SCEL: variants seen among roughly 807,000 people sequenced by gnomAD.
SCEL encodes sciellin.
A neutral mutation model predicts 117.6 loss-of-function variants in SCEL; 113 were observed. That is an observed-to-expected ratio of 0.96 (90% CI 0.83 to 1.12). The LOEUF is 1.12. Ranked by LOEUF, SCEL falls within the 50% of genes most tolerant of loss-of-function variation. SCEL has a pLI of 0.00. For missense variants in SCEL, 785 were observed against 810.8 expected (o/e 0.97, Z 0.39); for synonymous variants, 270 against 256.2 (o/e 1.05, Z -0.51).
At chr13:77,598,626 G>GT (rs1216868978) in intron 13 of SCEL, among the ~76,000 whole-genome samples, 1 of 152,218 alleles carries the variant, frequency 6.6e-6, no homozygotes, top group Non-Finnish European at 1.5e-5. Flanking sequence ...ACTGAGTCTA[G>GT]TGTTGCAGGA....
Position 77,618,058 on chromosome 13 carries a change from T to C in SCEL, c.1626T>C (p.Asn542=), listed in dbSNP as rs2089187884. The C allele has an allele frequency of 9.3e-6, 15 of 1,610,924 alleles. No homozygotes were observed. The highest frequency in any genetic ancestry group is 1.3e-5 in the African/African-American group (1 of 74,954). Residue 542 remains asparagine, a splice_region_variant and synonymous_variant, in exon 27 of 33, where the codon AAT becomes AAC. Transcript: ENST00000349847. ...AACCTTCAGCTCTTAGAAACACTAA[T>C]CGGTAAATGACCTTGACTATCTTGA... The part of the protein sequence containing the change: ...KVKPSALRNT[N]RDQNLENLIE...
intron 24 of SCEL, among the ~76,000 whole-genome samples, chr13:77,614,727 C>G (rs570038955): frequency 6.6e-6 from 1 of 152,092 alleles, no homozygotes; most frequent in South Asian, 2.1e-4. Flanking sequence ...ATTTATTTTG[C>G]AGAAGAGGAA....
At chr13:77,576,061 C>G (rs1428210118) in intron 9 of SCEL, among the ~76,000 whole-genome samples, 1 of 152,166 alleles carries the variant, frequency 6.6e-6, no homozygotes, top group African/African-American at 2.4e-5. Flanking sequence ...AATTTGATAG[C>G]CTAATCTTAC....
chr13:77,577,255 G>T (rs1200295287), intron 9 of SCEL, among the ~76,000 whole-genome samples: 1 of 152,158 alleles, frequency 6.6e-6, no homozygotes, highest in African/African-American at 2.4e-5. Flanking sequence ...CTGACACTGG[G>T]TAATTCATAA....
rs534367145 is a variant in SCEL at position 77,555,948 on chromosome 13, A to G, written c.43+30A>G. 1.4e-5 allele frequency: 23 copies of G among 1,599,898 alleles called. No individual in the cohort carries two copies. The South Asian group carries it at 2.1e-4, about 15-fold the overall frequency. ...TGTACATGATGTTTCTCTCACTCAG[A>G]AAACTTTAAAATTTTGGAAAAACAA... On this transcript the variant is annotated intron_variant, in intron 2 of 32. Transcript: ENST00000349847.
chr13:77,588,957 A>T (rs1366608187), intron 9 of SCEL, among the ~76,000 whole-genome samples, 187 bp from the exon 10 acceptor site: 1 of 152,214 alleles, frequency 6.6e-6, no homozygotes, highest in Non-Finnish European at 1.5e-5. Flanking sequence ...AAAAATACAC[A>T]TATTTTCAAT....
Position 77,604,415 on chromosome 13 carries a change from G to C in SCEL, c.1157G>C (p.Arg386Thr), listed in dbSNP as rs2274016. The change falls in exon 19 of 33, where the codon AGG becomes ACG. Residue 386 changes from arginine to threonine, a missense_variant and splice_region_variant. Physicochemically the swap from Arg to Thr is moderately conservative, Grantham distance 71 (BLOSUM62 -1). Coordinates refer to ENST00000349847, the MANE Select transcript of SCEL (RefSeq NM_144777.3). ...CCTGAAACAAATAAAAATATTACGA[G>C]GTAAGACATTTAAAGCTCCCCCCTC... ...VDPETNKNIT[R>T]GQSLDNLIKV... is the part of the protein sequence containing the mutation. The C allele has an allele frequency of 6.4e-7, 1 of 1,573,578 alleles. No individual in the cohort carries two copies. The highest frequency in any genetic ancestry group is 8.6e-7 in the Non-Finnish European group (1 of 1,168,264).
chr13:77,556,963 C>T (rs2084696413), intron 3 of SCEL, among the ~76,000 whole-genome samples: 1 of 152,154 alleles, frequency 6.6e-6, no homozygotes, highest in African/African-American at 2.4e-5. Flanking sequence ...CTGGTTATTA[C>T]CTAGGATAGA....
intron 28 of SCEL, among the ~76,000 whole-genome samples, chr13:77,633,702 A>G (rs1158472176): frequency 2.0e-5 from 3 of 152,208 alleles, no homozygotes; most frequent in African/African-American, 4.8e-5. Context: ...AGTCAACTGC[A>G]GAATAAATGA....
rs748214214 is a variant in SCEL, at chr13:77,617,564, A to C, written c.1452-35A>C. On this transcript the variant is annotated intron_variant, in intron 24 of 32. Coordinates refer to ENST00000349847, the MANE Select transcript of SCEL (RefSeq NM_144777.3). Reference sequence around the variant, plus strand: ...TTACCTTAAACCTGTGATTATCTCTAACCCAAGTTGCTTTAATATTTTTTC... The same window carrying C: ...TTACCTTAAACCTGTGATTATCTCTCACCCAAGTTGCTTTAATATTTTTTC... 1.1e-5 allele frequency: 14 copies of C among 1,297,142 alleles called. No individual in the cohort carries two copies. The South Asian group carries it at 1.6e-4, about 15-fold the overall frequency. 80.4% of individuals were successfully genotyped at this position (1,297,142 alleles called of 1,614,324 possible).
chr13:77,544,612 G>A (rs1053477872), intron 1 of SCEL, among the ~76,000 whole-genome samples: 1 of 152,282 alleles, frequency 6.6e-6, no homozygotes, highest in Middle Eastern at 3.4e-3. Flanking sequence ...AGAGGAGCTG[G>A]GGCTCAGATT....
chr13:77,538,148 G>A (rs1001184741), intron 1 of SCEL, among the ~76,000 whole-genome samples: 13 of 137,572 alleles, frequency 9.4e-5, no homozygotes, highest in Non-Finnish European at 1.8e-4. Context: ...ATGGAGTCTC[G>A]CTCTTTTCCC....
In SCEL at chr13:77,644,442, C is replaced by A; in HGVS notation, c.*168C>A. ...GTAATCTAATTGTCTTCAATAAGGTCACACACATAAAAAGAGCCATCTGGT... is the reference window on the plus strand; with the variant it reads ...GTAATCTAATTGTCTTCAATAAGGTAACACACATAAAAAGAGCCATCTGGT... On this transcript the variant is annotated 3_prime_UTR_variant, in exon 33 of 33. Transcript: ENST00000349847. The A allele has an allele frequency of 1.5e-6, 1 of 654,522 alleles. No homozygotes were observed. Among genetic ancestry groups the A allele is most frequent in the South Asian group, 2.0e-5 (1 of 49,486 alleles). 40.5% of individuals were successfully genotyped at this position (654,522 alleles called of 1,614,324 possible).
At chr13:77,602,759 T>TA in intron 17 of SCEL, 46 bp downstream of exon 17, 1 of 1,533,150 alleles carries the variant, frequency 6.5e-7, no homozygotes, top group Non-Finnish European at 9.0e-7. Context: ...TTTTCTCTCA[T>TA]ATTAATTATG....
intron 29 of SCEL, 56 bp downstream of exon 29, chr13:77,634,506 A>G: frequency 2.3e-6 from 3 of 1,278,142 alleles, no homozygotes; most frequent in South Asian, 2.5e-5. Context: ...GAAAGGATCT[A>G]TGTTTAATAA....
chr13:77,564,550 A>G (rs1286752157), intron 5 of SCEL, among the ~76,000 whole-genome samples: 1 of 152,108 alleles, frequency 6.6e-6, no homozygotes, highest in Non-Finnish European at 1.5e-5. Flanking sequence ...TTTAGTTTAG[A>G]TTTGGTAGAG....
intron 17 of SCEL, 24 bp from the exon 18 acceptor site, chr13:77,603,052 T>G (rs1005106417): frequency 2.2e-6 from 3 of 1,374,336 alleles, no homozygotes; most frequent in African/African-American, 1.5e-5. Flanking sequence ...GTTTTGAAAC[T>G]GATATAAACT....
At chr13:77,543,084 T>C (rs113090769) in intron 1 of SCEL, among the ~76,000 whole-genome samples, 13 of 132,714 alleles carry the variant, frequency 9.8e-5, no homozygotes, top group African/African-American at 4.2e-4. Context: ...TACTTTAGCT[T>C]TTTTTTTTTT....
chr13:77,556,565 A>C, intron 2 of SCEL, 31 bp from the exon 3 acceptor site: 16 of 1,574,864 alleles, frequency 1.0e-5, no homozygotes, highest in Non-Finnish European at 1.4e-5. Flanking sequence ...ACACTATTAC[A>C]TCTTCCAGTC....
Sources: allele counts gnomAD v4.1 joint callset (sites outside exome capture counted in the v4.1 genomes callset), GRCh38; gene constraint gnomAD v4.1.1; transcripts MANE v1.5; gene names NCBI Gene and HGNC (gene_info 2026-07-23, HGNC 2026-07-21).